TPRG1: variants seen among roughly 807,000 people sequenced by gnomAD.
The protein encoded by TPRG1 is tumor protein p63-regulated gene 1 protein.
A neutral mutation model predicts 29.3 loss-of-function variants in TPRG1; 29 were observed. That is an observed-to-expected ratio of 0.99 (90% CI 0.74 to 1.35). TPRG1 has a LOEUF of 1.35. Ranked by LOEUF, TPRG1 falls within the 40% of genes most tolerant of loss-of-function variation. The pLI, the probability that TPRG1 is intolerant of heterozygous loss-of-function variation, is 0.00. For missense variants in TPRG1, 327 were observed against 335.0 expected, an observed-to-expected ratio of 0.98 and a Z score of 0.19; for synonymous variants, 130 against 116.8, an observed-to-expected ratio of 1.11 and a Z score of -0.73.
intron 1 of TPRG1, among the ~76,000 whole-genome samples, chr3:189,100,542 T>C (rs73201325): frequency 0.013 from 1,993 of 152,328 alleles, 18 homozygotes; most frequent in Admixed American, 0.02. Flanking sequence ...GGTAGTAAGA[T>C]AATATTTGCA....
intron 4 of TPRG1, among the ~76,000 whole-genome samples, chr3:189,246,697 T>G (rs1369728003): frequency 6.6e-6 from 1 of 152,202 alleles, no homozygotes; most frequent in East Asian, 1.9e-4. Context: ...ATTCTCCTAG[T>G]TTTTCTTTCT....
At chr3:189,270,017 A>ATCTTCTTCTTCT (rs72453037) in intron 4 of TPRG1, among the ~76,000 whole-genome samples, 2,103 of 148,808 alleles carry the variant, frequency 0.014, 28 homozygotes, top group Non-Finnish European at 0.023. Flanking sequence ...TCTTCTCTGG[A>ATCTTCTTCTTCT]TCTTCTTCTT....
chr3:189,110,244 C>G (rs2152206207), intron 1 of TPRG1, among the ~76,000 whole-genome samples: 1 of 152,284 alleles, frequency 6.6e-6, no homozygotes, highest in African/African-American at 2.4e-5. Flanking sequence ...ATGAGGAGTT[C>G]TAGTTACTCC....
intron 4 of TPRG1, among the ~76,000 whole-genome samples, chr3:189,282,454 C>T (rs183318577): frequency 9.7e-4 from 147 of 152,126 alleles, no homozygotes; most frequent in South Asian, 5.8e-3. Flanking sequence ...GGGTATTAAA[C>T]GTGTATTTTG....
chr3:189,034,443 A>G (rs1404483187), intron 4 of TPRG1, among the ~76,000 whole-genome samples: 51 of 152,198 alleles, frequency 3.4e-4, no homozygotes, highest in Admixed American at 3.3e-3. Flanking sequence ...CTCATTAGAA[A>G]TGGAGACAAG....
intron 4 of TPRG1, among the ~76,000 whole-genome samples, chr3:189,040,995 G>A (rs1714597975): frequency 6.6e-6 from 1 of 152,136 alleles, no homozygotes; most frequent in South Asian, 2.1e-4. Flanking sequence ...GTCTTTCCCT[G>A]ACTGTTTCCA....
chr3:189,159,037 C>T (rs11921668), intron 5 of TPRG1, among the ~76,000 whole-genome samples: 11,591 of 151,802 alleles, frequency 0.076, 1,156 homozygotes, highest in African/African-American at 0.23. Flanking sequence ...TTGCTGTCTC[C>T]GGGATTTTCT....
chr3:189,138,633 G>A (rs1398262767), intron 3 of TPRG1, among the ~76,000 whole-genome samples: 2 of 152,128 alleles, frequency 1.3e-5, no homozygotes, highest in Non-Finnish European at 2.9e-5. Context: ...TGGAAGTTGT[G>A]TACATCACTC....
intron 4 of TPRG1, among the ~76,000 whole-genome samples, chr3:189,043,006 T>C (rs764030838): frequency 6.6e-5 from 10 of 152,192 alleles, no homozygotes; most frequent in Non-Finnish European, 1.5e-4. Flanking sequence ...ATGACCACAC[T>C]GTTCACCCAT....
chr3:189,072,751 ATCTC>A (rs556209036), intron 4 of TPRG1, among the ~76,000 whole-genome samples: 2 of 151,158 alleles, frequency 1.3e-5, no homozygotes, highest in East Asian at 1.9e-4. Flanking sequence ...TTCTCTTTAT[ATCTC>A]TCTATCAATC....
chr3:189,206,053 GTCTT>G (rs1188470086), intron 1 of TPRG1, among the ~76,000 whole-genome samples: 1 of 41,048 alleles, frequency 2.4e-5, no homozygotes, highest in Non-Finnish European at 4.8e-5. Context: ...CCTTTCTTCT[GTCTT>G]TCTTTCTTTT....
chr3:189,078,889 G>A (rs974584897), intron 4 of TPRG1, among the ~76,000 whole-genome samples: 3 of 152,196 alleles, frequency 2.0e-5, no homozygotes, highest in African/African-American at 7.2e-5. Flanking sequence ...AAGCAATAGT[G>A]TGGTGTTTGG....
chr3:189,285,695 G>C (rs557025077), intron 4 of TPRG1, among the ~76,000 whole-genome samples: 2 of 152,126 alleles, frequency 1.3e-5, no homozygotes, highest in African/African-American at 4.8e-5. Flanking sequence ...TTTAAGGTGG[G>C]TAGTAACTCT....
At chr3:189,279,905 G>A (rs78912193) in intron 4 of TPRG1, among the ~76,000 whole-genome samples, 5 of 152,248 alleles carry the variant, frequency 3.3e-5, no homozygotes, top group African/African-American at 4.8e-5. Flanking sequence ...ATGAATGAAC[G>A]GGAAAACTGA....
intron 3 of TPRG1, among the ~76,000 whole-genome samples, chr3:189,023,234 G>A (rs937427282): frequency 6.6e-6 from 1 of 152,114 alleles, no homozygotes; most frequent in African/African-American, 2.4e-5. Flanking sequence ...GTTCCTATTC[G>A]GCCATCTTGG....
intron 1 of TPRG1, among the ~76,000 whole-genome samples, chr3:189,120,093 C>A (rs1721653668): frequency 6.6e-6 from 1 of 152,188 alleles, no homozygotes; most frequent in East Asian, 1.9e-4. Flanking sequence ...AACGAACAAA[C>A]CCCAAACAAA....
intron 4 of TPRG1, among the ~76,000 whole-genome samples, chr3:189,250,504 G>GCCCCCCCCCCCCCCC (rs35490260): frequency 1.7e-4 from 4 of 23,590 alleles, no homozygotes; most frequent in African/African-American, 5.2e-4. Context: ...TCTGATTTCC[G>GCCCCCCCCCCCCCCC]CCCCCCCCCC....
intron 1 of TPRG1, among the ~76,000 whole-genome samples, chr3:189,118,495 G>A (rs1721438630): frequency 1.3e-5 from 2 of 152,296 alleles, no homozygotes; most frequent in South Asian, 4.1e-4. Flanking sequence ...GGGGGAAAAT[G>A]TCTCCAGGGC....
chr3:189,074,245 A>G (rs1200047349), intron 4 of TPRG1, among the ~76,000 whole-genome samples: 1 of 121,452 alleles, frequency 8.2e-6, no homozygotes, highest in Non-Finnish European at 1.6e-5. Context: ...TCGCTCTGTC[A>G]CCCAGGCTGG....
Sources: allele counts gnomAD v4.1 joint callset (sites outside exome capture counted in the v4.1 genomes callset), GRCh38; gene constraint gnomAD v4.1.1; transcripts MANE v1.5; gene names NCBI Gene and HGNC (gene_info 2026-07-23, HGNC 2026-07-21).